PRKAR2A: variants seen among roughly 807,000 people sequenced by gnomAD.
PRKAR2A encodes the protein cAMP-dependent protein kinase type II-alpha regulatory subunit.
Under a neutral mutation model 51.9 loss-of-function variants are expected in PRKAR2A, and 29 were observed. The ratio of observed to expected loss-of-function variants is 0.56; its 90% confidence interval spans 0.42 to 0.76. The LOEUF is 0.76. PRKAR2A is among the 30% of genes least tolerant of loss of function. The pLI is 0.00. For synonymous variants in PRKAR2A, 178 were observed against 186.2 expected (o/e 0.96, Z 0.36); for missense variants, 445 against 512.1 (o/e 0.87, Z 1.26).
chr3:48,767,812 T>C (rs972711747), intron 6 of PRKAR2A, among the ~76,000 whole-genome samples: 10 of 151,200 alleles, frequency 6.6e-5, no homozygotes, highest in Non-Finnish European at 8.8e-5. Flanking sequence ...CAGTCCCAGC[T>C]ACTAGGGAGG....
chr3:48,808,798 T>A (rs2082723745), intron 1 of PRKAR2A, among the ~76,000 whole-genome samples: 1 of 127,272 alleles, frequency 7.9e-6, no homozygotes, highest in African/African-American at 3.1e-5. Context: ...ATTACAGGCG[T>A]GAGCCACCGC....
intron 6 of PRKAR2A, among the ~76,000 whole-genome samples, chr3:48,766,547 C>T (rs1367021978): frequency 6.6e-6 from 1 of 151,748 alleles, no homozygotes; most frequent in African/African-American, 2.4e-5. Context: ...GCCTGGGTGA[C>T]ATAAGTTGAA....
intron 6 of PRKAR2A, among the ~76,000 whole-genome samples, chr3:48,766,230 TCAACAA>T (rs370460045): frequency 1.1e-4 from 17 of 147,954 alleles, no homozygotes; most frequent in African/African-American, 3.2e-4. Context: ...AACAACAATA[TCAACAA>T]CAACAACAAC....
chr3:48,786,596 G>C (rs1381614335), intron 4 of PRKAR2A, among the ~76,000 whole-genome samples: 1 of 149,298 alleles, frequency 6.7e-6, no homozygotes. Context: ...AGGAGATCGA[G>C]ACCATCCTGG....
intron 6 of PRKAR2A, among the ~76,000 whole-genome samples, chr3:48,771,533 T>C (rs2082028503): frequency 6.6e-6 from 1 of 152,230 alleles, no homozygotes; most frequent in African/African-American, 2.4e-5. Context: ...TTTCTTTCTT[T>C]CAATTGTAGT....
At chr3:48,753,429 T>C (rs1158081959) in intron 9 of PRKAR2A, among the ~76,000 whole-genome samples, 1 of 152,122 alleles carries the variant, frequency 6.6e-6, no homozygotes, top group East Asian at 1.9e-4. Context: ...ATTTCCTTTT[T>C]GGTTAATTTT....
chr3:48,748,833 G>C lies in PRKAR2A; in HGVS notation c.*2752C>G, dbSNP rs2081602422. ...AACACCATGGAAAAGAAGAACCTCA[G>C]AAAAATATGGGGTCACCACATGGGC... is the stretch of plus-strand genomic sequence containing the variant. On this transcript the variant is annotated 3_prime_UTR_variant, in exon 11 of 11. Coordinates refer to ENST00000265563, the MANE Select transcript of PRKAR2A (RefSeq NM_004157.4). 6.6e-6 allele frequency: 1 copy of C among 152,218 alleles called. No homozygotes were observed. Among genetic ancestry groups the C allele is most frequent in the Non-Finnish European group, 1.5e-5 (1 of 68,042 alleles). 9.4% of individuals were successfully genotyped at this position (152,218 alleles called of 1,614,324 possible). A position where few individuals can be genotyped will look rare whatever the true frequency, so the allele number is the denominator to read the frequency against.
intron 3 of PRKAR2A, among the ~76,000 whole-genome samples, chr3:48,793,652 C>G (rs2082430041): frequency 6.6e-6 from 1 of 151,828 alleles, no homozygotes; most frequent in Non-Finnish European, 1.5e-5. Flanking sequence ...TGCCACCAAA[C>G]CAGCTAATTT....
intron 5 of PRKAR2A, among the ~76,000 whole-genome samples, chr3:48,774,186 TGTGA>T (rs1343730295): frequency 6.6e-6 from 1 of 152,070 alleles, no homozygotes; most frequent in African/African-American, 2.4e-5. Context: ...ATGGCGTACA[TGTGA>T]GTGTTTGTTG....
At position 48,813,696 on chromosome 3, in the gene PRKAR2A, AAAAACAAAAC is replaced by A. The variant is rs201402882; in HGVS notation, c.263-6022_263-6013del. Reference sequence around the variant, plus strand: ...GCAACAGAGCGAGACTCCATCTCAAAAAAACAAAACAAAACAAAACAAAACAAAACAAAAA... The same window carrying A: ...GCAACAGAGCGAGACTCCATCTCAAAAAAACAAAACAAAACAAAACAAAAA... On this transcript the variant is annotated intron_variant, in intron 1 of 10. Coordinates refer to ENST00000265563, the MANE Select transcript of PRKAR2A (RefSeq NM_004157.4). Among the ~76,000 whole-genome samples, 50 of 152,010 alleles carry A rather than the reference AAAAACAAAAC, an allele frequency of 3.3e-4. 1 individual carries two copies. The highest frequency in any genetic ancestry group is 7.7e-4 in the African/African-American group (32 of 41,408).
chr3:48,820,776 G>A (rs2082947974), intron 1 of PRKAR2A, among the ~76,000 whole-genome samples: 1 of 152,172 alleles, frequency 6.6e-6, no homozygotes, highest in Non-Finnish European at 1.5e-5. Context: ...GAAACAAGAA[G>A]GGGAGGACAG....
At chr3:48,776,436 G>A (rs2082106203) in intron 5 of PRKAR2A, among the ~76,000 whole-genome samples, 1 of 152,044 alleles carries the variant, frequency 6.6e-6, no homozygotes, top group Admixed American at 6.6e-5. Context: ...GCTAATAATA[G>A]GAGATGGGTC....
At chr3:48,825,036 T>C (rs867734366) in intron 1 of PRKAR2A, among the ~76,000 whole-genome samples, 30 of 142,120 alleles carry the variant, frequency 2.1e-4, no homozygotes, top group African/African-American at 6.7e-4. Context: ...TTCTTTTTTT[T>C]TTTTTTTTTT....
chr3:48,843,164 T>A (rs2083406706), intron 1 of PRKAR2A, among the ~76,000 whole-genome samples: 1 of 152,250 alleles, frequency 6.6e-6, no homozygotes, highest in African/African-American at 2.4e-5. Context: ...GAGGAATTTA[T>A]CCATTTCTTC....
chr3:48,823,153 G>A (rs918377567), intron 1 of PRKAR2A, among the ~76,000 whole-genome samples: 2 of 151,700 alleles, frequency 1.3e-5, no homozygotes, highest in Non-Finnish European at 2.9e-5. Flanking sequence ...GCAATCGCCC[G>A]CCTCAGCCTC....
rs1431137215 is a variant in PRKAR2A, at chr3:48,749,488, T to G, written c.*2097A>C. 4 of 152,010 alleles carry G rather than the reference T, an allele frequency of 2.6e-5. No homozygotes were observed. Among genetic ancestry groups the G allele is most frequent in the Non-Finnish European group, 5.9e-5 (4 of 67,990 alleles). 9.4% of individuals were successfully genotyped at this position (152,010 alleles called of 1,614,324 possible). On this transcript the variant is annotated 3_prime_UTR_variant, in exon 11 of 11. Transcript: ENST00000265563. ...GAAATTGTAAATGATGCCAAATTTT[T>G]TTTTTTTTTTTGAGATGGAGTCTTG...
rs1270321631 is a variant in PRKAR2A, at chr3:48,847,564, C to T, written c.33G>A (p.Thr11=). Residue 11 remains threonine (T), a synonymous_variant, in exon 1 of 11, where the codon ACG becomes ACA. Coordinates refer to ENST00000265563, the MANE Select transcript of PRKAR2A (RefSeq NM_004157.4). This position sits in a 1 kb window ranked among gnomAD's most constrained non-coding sequence, Gnocchi z 4.4. ...CCACCGTGTAGCCCTGCAGCAGCTC[C>T]GTGAGCCCCGGCGGGATCTGGATGT... MSHIQIPPGL[T]ELLQGYTVEV... 5 of 1,552,746 alleles carry T rather than the reference C, an allele frequency of 3.2e-6. No homozygotes were observed. Among genetic ancestry groups the T allele is most frequent in the Admixed American group, 3.9e-5 (2 of 51,516 alleles).
intron 1 of PRKAR2A, among the ~76,000 whole-genome samples, chr3:48,832,872 C>G (rs2083214077): frequency 6.6e-6 from 1 of 152,102 alleles, no homozygotes; most frequent in Non-Finnish European, 1.5e-5. Flanking sequence ...TTTGACAGAG[C>G]TAAAAACTAA....
At chr3:48,836,476 T>TA (rs59774827) in intron 1 of PRKAR2A, among the ~76,000 whole-genome samples, 107 of 121,864 alleles carry the variant, frequency 8.8e-4, no homozygotes, top group East Asian at 4.9e-3. Context: ...ATATATATAT[T>TA]AAAAAAAAAA....
Sources: gnomAD v4.1 joint callset for allele counts (sites outside exome capture counted in the v4.1 genomes callset) on GRCh38, gnomAD v4.1.1 for gene constraint, Gnocchi (gnomAD v3.1) non-coding constraint, MANE v1.5 for transcripts, NCBI Gene and HGNC (gene_info 2026-07-23, HGNC 2026-07-21) for gene names.